The following TLR2 variants were observed in gnomAD, a reference collection of about 807,000 sequenced individuals.
TLR2 encodes toll like receptor 2.
TLR2 carries 7 observed loss-of-function variants against 9.1 expected under a neutral mutation model. The ratio of observed to expected loss-of-function variants is 0.77; its 90% CI spans 0.44 to 1.44. The LOEUF is 1.44. Among genes scored for constraint, TLR2 ranks in the 40% most tolerant of loss-of-function variants. The pLI is 0.01. For missense variants in TLR2, 812 were observed against 904.6 expected (o/e 0.90, Z 1.31); for synonymous variants, 317 against 344.6 (o/e 0.92, Z 0.89).
intron 2 of TLR2, among the ~76,000 whole-genome samples, chr4:153,695,285 C>T (rs28872182): frequency 6.6e-6 from 1 of 152,114 alleles, no homozygotes; most frequent in Non-Finnish European, 1.5e-5. Context: ...TTTACATTCC[C>T]AACCAACAAC....
intron 2 of TLR2, among the ~76,000 whole-genome samples, chr4:153,695,458 C>CCTTCTTTTGAGAAGG: frequency 6.6e-6 from 1 of 152,132 alleles, no homozygotes; most frequent in Non-Finnish European, 1.5e-5. Context: ...TATCTGTTTG[C>CCTTCTTTTGAGAAGG]CATTCATGTG....
chr4:153,710,021 A>G, downstream of TLR2: 2 of 170,842 alleles, frequency 1.2e-5, no homozygotes, highest in South Asian at 3.0e-4. Flanking sequence ...AGTATTAGCT[A>G]TGGCTAAATG....
Position 153,703,396 on chromosome 4 carries a change from T to A in TLR2, c.489T>A (p.Thr163=), listed in dbSNP as rs145457376. ...GAGTGGGAAATATGGACACCTTCAC[T>A]AAGATTCAAAGAAAAGATTTTGCTG... ...ILRVGNMDTF[T]KIQRKDFAGL... is the part of the protein sequence containing the mutation. The change falls in exon 3 of 3, where the codon ACT becomes ACA. Residue 163 remains threonine, a synonymous_variant. Transcript: ENST00000642700. 1,448 of 1,613,946 alleles carry A rather than the reference T, an allele frequency of 9.0e-4. 2 individuals carry two copies. Among genetic ancestry groups the A allele is most frequent in the Non-Finnish European group, 1.2e-3 (1,385 of 1,180,028 alleles).
intron 2 of TLR2, among the ~76,000 whole-genome samples, chr4:153,697,799 T>G (rs551420045): frequency 2.0e-5 from 3 of 152,316 alleles, no homozygotes; most frequent in East Asian, 1.9e-4. Flanking sequence ...TAAGTCATAT[T>G]GTATGGGTAT....
intron 2 of TLR2, among the ~76,000 whole-genome samples, chr4:153,700,513 T>C (rs143902671): frequency 7.5e-4 from 114 of 152,314 alleles, no homozygotes; most frequent in African/African-American, 2.5e-3. Flanking sequence ...CAAATTGTTC[T>C]ATAGATTCAA....
rs761114697 is a variant in TLR2, at chr4:153,704,244, C to T, written c.1337C>T (p.Thr446Ile). Residue 446 changes from threonine (T) to isoleucine (I), a missense_variant, in exon 3 of 3, where the codon ACA becomes ATA. Physicochemically the swap from Thr to Ile is moderately conservative, Grantham distance 89 (BLOSUM62 -1). Transcript: ENST00000642700. ...ATGAAATATTTGAACTTATCCAGCA[C>T]ACGAATACACAGTGTAACAGGCTGC... Reference protein sequence around the residue: ...EKMKYLNLSSTRIHSVTGCIP... With the variant: ...EKMKYLNLSSIRIHSVTGCIP... 9.3e-6 allele frequency: 15 copies of T among 1,614,174 alleles called. No individual in the cohort carries two copies. The Admixed American group carries it at 2.5e-4, about 27-fold the overall frequency.
chr4:153,709,912 C>T (rs932960846), downstream of TLR2, among the ~76,000 whole-genome samples: 2 of 152,172 alleles, frequency 1.3e-5, no homozygotes, highest in African/African-American at 4.8e-5. Context: ...GAAGCTGCCA[C>T]ATGGTAACAA....
At chr4:153,689,696 G>C (rs1238975163) in intron 2 of TLR2, among the ~76,000 whole-genome samples, 1 of 152,202 alleles carries the variant, frequency 6.6e-6, no homozygotes, top group African/African-American at 2.4e-5. Context: ...TGCCAGCCAA[G>C]ATTGATAAAT....
Position 153,704,918 on chromosome 4 carries a change from A to C in TLR2, c.2011A>C (p.Lys671Gln), listed in dbSNP as rs549375738. The C allele has an allele frequency of 2.1e-5, 34 of 1,613,044 alleles. No individual in the cohort carries two copies. In the South Asian group the frequency reaches 3.3e-4, roughly 16 times the overall value. Residue 671 changes from lysine to glutamine, a missense_variant, in exon 3 of 3, where the codon AAG becomes CAG. By Grantham distance (53) the Lys-to-Gln change is moderately conservative (BLOSUM62 1). Transcript: ENST00000642700. ...GCTGGAGAACTTCAATCCCCCCTTC[A>C]AGTTGTGTCTTCATAAGCGGGACTT... is the stretch of plus-strand genomic sequence containing the variant. ...QELENFNPPF[K>Q]LCLHKRDFIP...
At chr4:153,701,153 C>T (rs564774168) in intron 2 of TLR2, among the ~76,000 whole-genome samples, 2 of 152,270 alleles carry the variant, frequency 1.3e-5, no homozygotes, top group East Asian at 3.9e-4. Context: ...AGCAGTGTCT[C>T]CTCCAAAATT....
chr4:153,700,848 A>G (rs1164788455), intron 2 of TLR2, among the ~76,000 whole-genome samples: 3 of 152,200 alleles, frequency 2.0e-5, no homozygotes, highest in Admixed American at 6.5e-5. Context: ...CTATATGGGC[A>G]TGTCCCTATT....
chr4:153,685,367 C>G (rs1360843294), intron 1 of TLR2, among the ~76,000 whole-genome samples: 1 of 151,778 alleles, frequency 6.6e-6, no homozygotes, highest in Non-Finnish European at 1.5e-5. Context: ...TGGGTGGGGG[C>G]GGAGAAAGAG....
At chr4:153,691,742 C>T (rs150889707) in intron 2 of TLR2, among the ~76,000 whole-genome samples, 4,244 of 152,220 alleles carry the variant, frequency 0.028, 196 homozygotes, top group African/African-American at 0.096. Flanking sequence ...CGATTAATGT[C>T]CCCTAGTAAT....
At chr4:153,700,105 G>A (rs1306697698) in intron 2 of TLR2, among the ~76,000 whole-genome samples, 3 of 151,964 alleles carry the variant, frequency 2.0e-5, no homozygotes, top group African/African-American at 7.3e-5. Context: ...AGAGTGAAGG[G>A]GGAGGTCCCA....
chr4:153,692,195 T>C, intron 2 of TLR2, among the ~76,000 whole-genome samples: 1 of 152,332 alleles, frequency 6.6e-6, no homozygotes, highest in South Asian at 2.1e-4. Context: ...AAACAGTCTT[T>C]TAAATTTATG....
chr4:153,709,764 T>G (rs142317220), downstream of TLR2, among the ~76,000 whole-genome samples: 786 of 152,358 alleles, frequency 5.2e-3, 5 homozygotes, highest in African/African-American at 0.017. Context: ...CTTGCTTTAG[T>G]ACAGCTGTTG....
At chr4:153,691,042 A>G (rs1390671450) in intron 2 of TLR2, among the ~76,000 whole-genome samples, 1 of 152,242 alleles carries the variant, frequency 6.6e-6, no homozygotes, top group Non-Finnish European at 1.5e-5. Flanking sequence ...GCATATCAAA[A>G]GCAGTCAATA....
rs914006059 is a variant in TLR2, at chr4:153,689,112, G to T, written c.-17+1065G>T. ...AAGCACTCCAGTTCCTGGCATTAAG[G>T]TCTGGTGTGCCTGGAATGCTTTAAA... On this transcript the variant is annotated intron_variant, in intron 2 of 2. Coordinates refer to ENST00000642700, the MANE Select transcript of TLR2 (RefSeq NM_001318789.2). Among the ~76,000 whole-genome samples, 3 of 152,166 alleles carry T rather than the reference G, an allele frequency of 2.0e-5. No homozygotes were observed. The South Asian group carries it at 6.2e-4, about 32-fold the overall frequency.
intron 1 of TLR2, among the ~76,000 whole-genome samples, chr4:153,684,999 T>G (rs893395465): frequency 6.6e-6 from 1 of 152,206 alleles, no homozygotes; most frequent in Non-Finnish European, 1.5e-5. Flanking sequence ...TGGTTACTGC[T>G]AGGACGGAGC....
Sources: allele counts gnomAD v4.1 joint callset (sites outside exome capture counted in the v4.1 genomes callset), GRCh38; gene constraint gnomAD v4.1.1; transcripts MANE v1.5; gene names NCBI Gene and HGNC (gene_info 2026-07-23, HGNC 2026-07-21).